The following PLEKHM3 variants were observed in gnomAD, a reference collection of about 807,000 sequenced individuals.
PLEKHM3 encodes pleckstrin homology domain-containing family M member 3.
In PLEKHM3, 45 loss-of-function variants were observed where a neutral mutation model predicts 81.8. That is an observed-to-expected ratio of 0.55 (90% CI 0.43 to 0.71). PLEKHM3 has a LOEUF of 0.71. Ranked by LOEUF, PLEKHM3 falls within the 30% of genes least tolerant of loss-of-function variation. The pLI, the probability that PLEKHM3 is intolerant of heterozygous loss-of-function variation, is 0.00. For synonymous variants in PLEKHM3, 352 were observed against 356.4 expected, an observed-to-expected ratio of 0.99 and a Z score of 0.14; for missense variants, 788 against 924.3, an observed-to-expected ratio of 0.85 and a Z score of 1.91.
At chr2:207,847,019 A>T (rs2092387155) in intron 7 of PLEKHM3, among the ~76,000 whole-genome samples, 2 of 152,226 alleles carry the variant, frequency 1.3e-5, no homozygotes, top group Non-Finnish European at 2.9e-5. Flanking sequence ...TTTAAACAGC[A>T]AAAAATTAAG....
intron 6 of PLEKHM3, among the ~76,000 whole-genome samples, chr2:207,907,945 A>G (rs1282286984): frequency 6.6e-6 from 1 of 152,214 alleles, no homozygotes. Context: ...TACAGTATGT[A>G]TTCTTTTCTG....
chr2:207,882,967 C>T (rs535786756), intron 6 of PLEKHM3, among the ~76,000 whole-genome samples: 58 of 152,110 alleles, frequency 3.8e-4, no homozygotes, highest in African/African-American at 1.3e-3. Context: ...AGGCTGGTCT[C>T]GAACTCCTGA....
At position 207,848,903 on chromosome 2, in the gene PLEKHM3, T is replaced by A. The variant is rs567835993; in HGVS notation, c.2108+12202A>T. On this transcript the variant is annotated intron_variant, in intron 7 of 7. Coordinates refer to ENST00000427836, the MANE Select transcript of PLEKHM3 (RefSeq NM_001080475.3). ...GACTAAGTTTCATGGGAGGCTGCCT[T>A]TTTTGGTAAGATTACCTGACAAAAT... is the stretch of plus-strand genomic sequence containing the variant. Among the ~76,000 whole-genome samples, 27 of 152,340 alleles carry A rather than the reference T, an allele frequency of 1.8e-4. 2 individuals are homozygous for A. The South Asian group carries it at 5.2e-3, about 29-fold the overall frequency.
At chr2:207,895,852 A>G (rs1464065656) in intron 6 of PLEKHM3, among the ~76,000 whole-genome samples, 2 of 152,268 alleles carry the variant, frequency 1.3e-5, no homozygotes, top group Admixed American at 1.3e-4. Flanking sequence ...ATATAAAATC[A>G]GTATATTTAA....
At chr2:207,903,279 C>A (rs1435773926) in intron 6 of PLEKHM3, among the ~76,000 whole-genome samples, 3 of 151,850 alleles carry the variant, frequency 2.0e-5, no homozygotes, top group Non-Finnish European at 4.4e-5. Flanking sequence ...AATTTAGGGC[C>A]CAGGGAAGGA....
intron 6 of PLEKHM3, among the ~76,000 whole-genome samples, chr2:207,879,900 A>G (rs1427890424): frequency 6.6e-6 from 1 of 152,212 alleles, no homozygotes; most frequent in Non-Finnish European, 1.5e-5. Context: ...CATTTGGTAC[A>G]TGTTCAGCTC....
At chr2:207,860,595 A>G (rs574099897) in intron 7 of PLEKHM3, among the ~76,000 whole-genome samples, 75 of 152,342 alleles carry the variant, frequency 4.9e-4, no homozygotes, top group African/African-American at 1.7e-3. Context: ...ATCATCCCAC[A>G]TAAACTCCCA....
At chr2:207,990,052 G>C (rs1038144762) in intron 2 of PLEKHM3, among the ~76,000 whole-genome samples, 9 of 152,166 alleles carry the variant, frequency 5.9e-5, no homozygotes, top group Non-Finnish European at 1.3e-4. Context: ...GGTGTGCAAA[G>C]GGATGGACGG....
chr2:207,829,479 G>A (rs1000589225), intron 7 of PLEKHM3, among the ~76,000 whole-genome samples: 39 of 152,156 alleles, frequency 2.6e-4, no homozygotes, highest in African/African-American at 8.9e-4. Flanking sequence ...GTTTTGCCAT[G>A]TTGGCCAGGC....
At chr2:207,905,422 G>A (rs1324766020) in intron 6 of PLEKHM3, among the ~76,000 whole-genome samples, 2 of 152,228 alleles carry the variant, frequency 1.3e-5, no homozygotes, top group Admixed American at 1.3e-4. Context: ...CAGTTAGGTA[G>A]GGTTTCCCGA....
chr2:207,826,069 C>T lies in PLEKHM3; in HGVS notation c.*2250G>A, dbSNP rs1367966630. ...GAGGAGATGGCACTGCACTTCAGGT[C>T]TCCAAATGCAGTGTGCTAGGAATGG... On this transcript the variant is annotated 3_prime_UTR_variant, in exon 8 of 8. Coordinates refer to ENST00000427836, the MANE Select transcript of PLEKHM3 (RefSeq NM_001080475.3). 1 of 152,144 alleles carries T rather than the reference C, an allele frequency of 6.6e-6. No individual in the cohort carries two copies. The highest frequency in any genetic ancestry group is 1.9e-4 in the East Asian group (1 of 5,196). 9.4% of individuals were successfully genotyped at this position (152,144 alleles called of 1,614,324 possible).
chr2:207,836,058 C>T (rs1453668488), intron 7 of PLEKHM3, among the ~76,000 whole-genome samples: 1 of 152,170 alleles, frequency 6.6e-6, no homozygotes, highest in Non-Finnish European at 1.5e-5. Context: ...TCTGTGGATG[C>T]TCTTGTGAGC....
At chr2:207,857,075 T>C (rs2092440830) in intron 7 of PLEKHM3, among the ~76,000 whole-genome samples, 2 of 152,218 alleles carry the variant, frequency 1.3e-5, no homozygotes, top group Non-Finnish European at 2.9e-5. Context: ...TAATTGACAG[T>C]GCTGTTGAGT....
chr2:208,019,275 C>A (rs1222174571), intron 1 of PLEKHM3, among the ~76,000 whole-genome samples: 1 of 152,176 alleles, frequency 6.6e-6, no homozygotes, highest in Non-Finnish European at 1.5e-5. Context: ...CACTGCACTC[C>A]AGCCTGGGCA....
At chr2:208,002,640 G>T (rs113369164) in intron 1 of PLEKHM3, among the ~76,000 whole-genome samples, 2 of 152,086 alleles carry the variant, frequency 1.3e-5, no homozygotes, top group African/African-American at 4.8e-5. Flanking sequence ...GCAGGCTTGA[G>T]TTCATCCTTT....
Position 207,994,343 on chromosome 2 carries a change from C to T in PLEKHM3, c.610+6687G>A, listed in dbSNP as rs75981173. On this transcript the variant is annotated intron_variant, in intron 2 of 7. Transcript: ENST00000427836. ...TTAAGACCTTGTCTTCTTTATCCTA[C>T]GGCAAAGTCCTTGGTGCTTATGATT... Among the ~76,000 whole-genome samples, 7 of 152,212 alleles carry T rather than the reference C, an allele frequency of 4.6e-5. No individual in the cohort carries two copies. The South Asian group carries it at 6.2e-4, about 14-fold the overall frequency.
At chr2:207,908,728 A>T in intron 5 of PLEKHM3, 151 bp from the exon 6 acceptor site, 1 of 630,282 alleles carries the variant, frequency 1.6e-6, no homozygotes, top group Non-Finnish European at 2.7e-6. Context: ...AACCTGTAAT[A>T]TCTTTTTCTC....
chr2:207,930,909 A>G lies in PLEKHM3; in HGVS notation c.1886+17T>C, dbSNP rs1352101819. 6.2e-7 allele frequency: 1 copy of G among 1,607,798 alleles called. No homozygotes were observed. The highest frequency in any genetic ancestry group is 1.1e-5 in the South Asian group (1 of 90,878). Reference sequence around the variant, plus strand: ...AAGAAAAACAAACGGGAGCCGTCTGAGATTTATGACTCTTACCTGCGGCGG... The same window carrying G: ...AAGAAAAACAAACGGGAGCCGTCTGGGATTTATGACTCTTACCTGCGGCGG... On this transcript the variant is annotated intron_variant, in intron 5 of 7. Coordinates refer to ENST00000427836, the MANE Select transcript of PLEKHM3 (RefSeq NM_001080475.3).
chr2:207,966,123 A>G (rs981163224), intron 3 of PLEKHM3, among the ~76,000 whole-genome samples: 3 of 152,254 alleles, frequency 2.0e-5, no homozygotes, highest in African/African-American at 4.8e-5. Context: ...CAAATTCTGT[A>G]AGGACACAAA....
Sources: gnomAD v4.1 joint callset for allele counts (sites outside exome capture counted in the v4.1 genomes callset) on GRCh38, gnomAD v4.1.1 for gene constraint, MANE v1.5 for transcripts, NCBI Gene and HGNC (gene_info 2026-07-23, HGNC 2026-07-21) for gene names.